The following GSR variants were observed in gnomAD, a reference collection of about 807,000 sequenced individuals.
The protein encoded by GSR is glutathione-disulfide reductase.
In GSR, 48 loss-of-function variants were observed where a neutral mutation model predicts 56.5. That is an observed-to-expected ratio of 0.85 (90% confidence interval 0.67 to 1.08). GSR has a LOEUF of 1.08. Among genes scored for constraint, GSR ranks in the 50% least tolerant of loss-of-function variants. The pLI is 0.00. For synonymous variants in GSR, 264 were observed against 270.8 expected (o/e 0.97, Z 0.25); for missense variants, 694 against 703.3 (o/e 0.99, Z 0.15).
Position 30,687,129 on chromosome 8 carries a change from G to A in GSR, c.1041+2032C>T, listed in dbSNP as rs192105473. ...TGGGATTACAGGTGTGAGCCACGGC[G>A]CCTGGCTGACTAGTTTTGTTAATAT... On this transcript the variant is annotated intron_variant, in intron 9 of 12. Transcript: ENST00000221130. Among the ~76,000 whole-genome samples the A allele has an allele frequency of 2.9e-3, 442 of 152,018 alleles. 3 individuals are homozygous for A. Among genetic ancestry groups the A allele is most frequent in the African/African-American group, 0.01 (415 of 41,476 alleles).
At chr8:30,680,468 C>G (rs910615023) in intron 12 of GSR, among the ~76,000 whole-genome samples, 79 of 137,664 alleles carry the variant, frequency 5.7e-4, no homozygotes, top group African/African-American at 2.1e-3. Context: ...GATCTTGGCT[C>G]ACTGCAACCT....
intron 1 of GSR, among the ~76,000 whole-genome samples, chr8:30,722,497 G>T (rs1317338925): frequency 2.9e-5 from 4 of 135,764 alleles, no homozygotes; most frequent in Non-Finnish European, 6.7e-5. Flanking sequence ...AGGCTAAGGT[G>T]GGAGGACTGC....
At chr8:30,702,967 A>T (rs543111827) in intron 5 of GSR, 126 bp downstream of exon 5, 6 of 979,114 alleles carry the variant, frequency 6.1e-6, no homozygotes, top group South Asian at 4.0e-5. Context: ...TTCTGCAGAG[A>T]CCTTCTCCCA....
At chr8:30,723,793 C>T (rs866335322) in intron 1 of GSR, among the ~76,000 whole-genome samples, 3 of 24,854 alleles carry the variant, frequency 1.2e-4, no homozygotes, top group Admixed American at 9.2e-4. Flanking sequence ...AACACACACA[C>T]ACACACACAC....
At chr8:30,725,809 G>C (rs981169101) in intron 1 of GSR, among the ~76,000 whole-genome samples, 1 of 150,000 alleles carries the variant, frequency 6.7e-6, no homozygotes, top group Non-Finnish European at 1.5e-5. Flanking sequence ...TTGAACCTGG[G>C]AGGCAGAGGT....
At position 30,696,434 on chromosome 8, in the gene GSR, T is replaced by A; in HGVS notation, c.741A>T (p.Ala247=). The change falls in exon 7 of 13, where the codon GCA becomes GCT. Residue 247 remains alanine (A), a synonymous_variant. Transcript: ENST00000221130. ...TAGAACCCAGGGCTGACAGGATCCC[T>A]GCCATCTCCACAGCAATGTAACCTG... ...VGAGYIAVEM[A]GILSALGSKT... is the part of the protein sequence containing the mutation. The A allele has an allele frequency of 6.2e-7, 1 of 1,613,742 alleles. No homozygotes were observed. The highest frequency in any genetic ancestry group is 1.1e-5 in the South Asian group (1 of 91,084).
Position 30,712,062 on chromosome 8 carries a change from C to A in GSR, c.333G>T (p.Lys111Asn). The change falls in exon 2 of 13, where the codon AAG (lysine) becomes AAT (asparagine). Residue 111 changes from lysine (K) to asparagine (N), a missense_variant and splice_region_variant. Coordinates refer to ENST00000221130, the MANE Select transcript of GSR (RefSeq NM_000637.5). ...AGGGAAAGAGAAATAAAAATTCTAC[C>A]TTTTTGGGTACACATCCAACATTCA... ...TCVNVGCVPK[K>N]VMWNTAVHSE... 7.1e-7 allele frequency: 1 copy of A among 1,405,866 alleles called. No individual in the cohort carries two copies. The highest frequency in any genetic ancestry group is 1.2e-5 in the South Asian group (1 of 83,550). The allele number at this position is 1,405,866 out of a possible 1,614,324, so 87.1% of individuals were successfully genotyped here.
Position 30,703,076 on chromosome 8 carries a change from C to T in GSR, c.640+17G>A, listed in dbSNP as rs748152847. The T allele has an allele frequency of 3.1e-6, 5 of 1,612,602 alleles. No individual in the cohort carries two copies. The highest frequency in any genetic ancestry group is 1.7e-6 in the Non-Finnish European group (2 of 1,178,962). The stretch of plus-strand genomic sequence containing the variant: ...AACTCCTGACTGCTGTTAATGAGTA[C>T]CTGTTGTATGACTCACCGGGGATCT... On this transcript the variant is annotated intron_variant, in intron 5 of 12. Coordinates refer to ENST00000221130, the MANE Select transcript of GSR (RefSeq NM_000637.5).
intron 1 of GSR, among the ~76,000 whole-genome samples, chr8:30,714,287 C>T (rs1165313897): frequency 7.6e-6 from 1 of 132,304 alleles, no homozygotes; most frequent in Non-Finnish European, 1.5e-5. Context: ...TCTCAGCTCA[C>T]TGCAACCTCC....
intron 1 of GSR, among the ~76,000 whole-genome samples, chr8:30,714,684 T>A (rs1804267752): frequency 2.0e-5 from 3 of 151,286 alleles, no homozygotes; most frequent in South Asian, 4.2e-4. Context: ...ATTTTATTTT[T>A]TAAATAAAAA....
At chr8:30,711,400 C>T (rs1804137293) in intron 2 of GSR, among the ~76,000 whole-genome samples, 1 of 152,124 alleles carries the variant, frequency 6.6e-6, no homozygotes, top group Non-Finnish European at 1.5e-5. Flanking sequence ...TGACCTGCAC[C>T]ACAGATATTA....
chr8:30,703,091 AC>A lies in GSR; in HGVS notation c.640+1del, dbSNP rs771002983. 3.1e-6 allele frequency: 5 copies of A among 1,613,874 alleles called. No individual in the cohort carries two copies. The highest frequency in any genetic ancestry group is 4.2e-6 in the Non-Finnish European group (5 of 1,179,860). On this transcript the variant is annotated splice_donor_variant, in intron 5 of 12. Coordinates refer to ENST00000221130, the MANE Select transcript of GSR (RefSeq NM_000637.5). LOFTEE classifies it high-confidence loss of function. ...TTAATGAGTACCTGTTGTATGACTC[AC>A]CGGGGATCTGGCTCTCATGAGGGGT...
chr8:30,725,946 TATAAC>T (rs1457434371), intron 1 of GSR, among the ~76,000 whole-genome samples: 38 of 151,174 alleles, frequency 2.5e-4, no homozygotes, highest in Non-Finnish European at 4.1e-4. Flanking sequence ...TGAAGCACAT[TATAAC>T]ATAAGTAGAG....
At chr8:30,727,460 A>G (rs571361642) in intron 1 of GSR, 70 bp downstream of exon 1, 240 of 1,386,152 alleles carry the variant, frequency 1.7e-4, no homozygotes, top group Admixed American at 6.3e-4. Context: ...CATAGGAACG[A>G]GCACAGGCTG....
chr8:30,699,344 C>T (rs1221753379), intron 6 of GSR, among the ~76,000 whole-genome samples: 1 of 151,766 alleles, frequency 6.6e-6, no homozygotes, highest in Non-Finnish European at 1.5e-5. Flanking sequence ...TGTGGTGGCT[C>T]ACATCTGTAA....
At chr8:30,705,852 CT>C (rs1374739588) in intron 4 of GSR, among the ~76,000 whole-genome samples, 2 of 152,180 alleles carry the variant, frequency 1.3e-5, no homozygotes, top group East Asian at 3.8e-4. Flanking sequence ...ATTTTTCCCC[CT>C]GGATTGAGGA....
At position 30,683,006 on chromosome 8, in the gene GSR, T is replaced by C. The variant is rs574357639; in HGVS notation, c.1154-945A>G. On this transcript the variant is annotated intron_variant, in intron 10 of 12. Coordinates refer to ENST00000221130, the MANE Select transcript of GSR (RefSeq NM_000637.5). ...CCACGCCCAGCTAATTTTTGTATTT[T>C]TAGCAGAGATGGGGTTTCACCATGT... is the stretch of plus-strand genomic sequence containing the variant. Among the ~76,000 whole-genome samples, 17 of 152,168 alleles carry C rather than the reference T, an allele frequency of 1.1e-4. No homozygotes were observed. In the South Asian group the frequency reaches 3.5e-3, roughly 32 times the overall value.
rs552836603 is a variant in GSR at position 30,690,029 on chromosome 8, T to C, written c.883-710A>G. ...ACATATATTATATAATACGTATATTTATATATGTATATTATATATAAATAT... is the reference window on the plus strand; with the variant it reads ...ACATATATTATATAATACGTATATTCATATATGTATATTATATATAAATAT... On this transcript the variant is annotated intron_variant, in intron 8 of 12. Coordinates refer to ENST00000221130, the MANE Select transcript of GSR (RefSeq NM_000637.5). Among the ~76,000 whole-genome samples, 878 of 142,904 alleles carry C rather than the reference T, an allele frequency of 6.1e-3. 13 individuals are homozygous for C. The highest frequency in any genetic ancestry group is 0.021 in the African/African-American group (807 of 39,328). The allele number at this position is 142,904 out of a possible 152,430, so 93.8% of individuals were successfully genotyped here. A position where few individuals can be genotyped will look rare whatever the true frequency, so the allele number is the denominator to read the frequency against.
At chr8:30,709,969 C>T in intron 2 of GSR, 67 bp from the exon 3 acceptor site, 1 of 850,042 alleles carries the variant, frequency 1.2e-6, no homozygotes, top group African/African-American at 1.7e-5. Flanking sequence ...AAAAAGGAAT[C>T]ATGAATGAAT....
Sources: allele counts gnomAD v4.1 joint callset (sites outside exome capture counted in the v4.1 genomes callset), GRCh38; gene constraint gnomAD v4.1.1; transcripts MANE v1.5; gene names NCBI Gene and HGNC (gene_info 2026-07-23, HGNC 2026-07-21).